The following MEOX2 variants were observed in gnomAD, a reference collection of about 807,000 sequenced individuals.
MEOX2 encodes mesenchyme homeobox 2.
A neutral mutation model predicts 27.0 loss-of-function variants in MEOX2; 11 were observed. The ratio of observed to expected loss-of-function variants is 0.41; its 90% confidence interval spans 0.26 to 0.68. MEOX2 has a LOEUF of 0.68. MEOX2 is among the 30% of genes least tolerant of loss of function. The pLI is 0.33. For synonymous variants in MEOX2, 189 were observed against 155.4 expected, an observed-to-expected ratio of 1.22 and a Z score of -1.61; for missense variants, 436 against 385.4, an observed-to-expected ratio of 1.13 and a Z score of -1.10.
At chr7:15,646,915 A>G (rs1191404459) in intron 1 of MEOX2, among the ~76,000 whole-genome samples, 2 of 151,980 alleles carry the variant, frequency 1.3e-5, no homozygotes, top group African/African-American at 4.8e-5. Flanking sequence ...GCTTATGTCA[A>G]AATATATTTG....
chr7:15,624,937 A>G (rs193021394), intron 2 of MEOX2, among the ~76,000 whole-genome samples: 1 of 152,298 alleles, frequency 6.6e-6, no homozygotes, highest in East Asian at 1.9e-4. Flanking sequence ...TATCCAAGAC[A>G]CCTTCAACGT....
intron 1 of MEOX2, among the ~76,000 whole-genome samples, chr7:15,659,509 C>G (rs1781874696): frequency 6.6e-6 from 1 of 151,866 alleles, no homozygotes; most frequent in Non-Finnish European, 1.5e-5. Flanking sequence ...GCCTGTAATC[C>G]CAGCACTTTG....
intron 1 of MEOX2, among the ~76,000 whole-genome samples, chr7:15,672,788 A>C (rs2115391793): frequency 6.6e-6 from 1 of 152,030 alleles, no homozygotes; most frequent in Admixed American, 6.6e-5. Flanking sequence ...GCTACTTGGG[A>C]GGCTGAGGCA....
chr7:15,650,694 A>T (rs983171931), intron 1 of MEOX2, among the ~76,000 whole-genome samples: 1 of 151,880 alleles, frequency 6.6e-6, no homozygotes, highest in Admixed American at 6.6e-5. Context: ...AGGGAAAAAA[A>T]TTGAGTTTTT....
intron 1 of MEOX2, among the ~76,000 whole-genome samples, chr7:15,662,063 G>C (rs1781927493): frequency 6.9e-6 from 1 of 145,560 alleles, no homozygotes; most frequent in African/African-American, 2.5e-5. Flanking sequence ...AAAAAGATCA[G>C]TGTTCCCCCA....
chr7:15,647,462 G>A (rs1332596213), intron 1 of MEOX2, among the ~76,000 whole-genome samples: 1 of 152,074 alleles, frequency 6.6e-6, no homozygotes, highest in Admixed American at 6.5e-5. Flanking sequence ...TATTATGCAA[G>A]AGTCTACTTT....
intron 1 of MEOX2, chr7:15,681,749 G>A (rs533342943): frequency 3.3e-5 from 5 of 151,740 alleles, no homozygotes; most frequent in Non-Finnish European, 7.4e-5. Flanking sequence ...TCATTGTAAA[G>A]GTTTCTATTG....
chr7:15,650,508 T>G (rs1205631991), intron 1 of MEOX2, among the ~76,000 whole-genome samples: 2 of 152,108 alleles, frequency 1.3e-5, no homozygotes, highest in African/African-American at 4.8e-5. Context: ...TACGTGCAAA[T>G]AATGCTGATC....
At chr7:15,624,426 T>A (rs1270365459) in intron 2 of MEOX2, among the ~76,000 whole-genome samples, 1 of 152,196 alleles carries the variant, frequency 6.6e-6, no homozygotes, top group Non-Finnish European at 1.5e-5. Context: ...AATGAAGCGA[T>A]CTTGTCCTAC....
intron 1 of MEOX2, among the ~76,000 whole-genome samples, chr7:15,629,998 G>A (rs1309371314): frequency 6.6e-6 from 1 of 152,022 alleles, no homozygotes; most frequent in Admixed American, 6.6e-5. Context: ...TAGGTGCTGA[G>A]GGGGGAATCT....
chr7:15,630,516 A>G (rs1182084159), intron 1 of MEOX2, among the ~76,000 whole-genome samples: 1 of 152,024 alleles, frequency 6.6e-6, no homozygotes, highest in Admixed American at 6.6e-5. Context: ...GAAGAACATA[A>G]TTTACCTATG....
intron 1 of MEOX2, among the ~76,000 whole-genome samples, chr7:15,650,805 A>C (rs1358283248): frequency 6.6e-6 from 1 of 152,074 alleles, no homozygotes; most frequent in African/African-American, 2.4e-5. Context: ...GCATGGAGGG[A>C]TTTCCACAGT....
rs548002691 is a variant in MEOX2 at position 15,627,072 on chromosome 7, C to T, written c.518-154G>A. 9.2e-5 allele frequency among the ~76,000 whole-genome samples: 14 copies of T among 151,896 alleles called. No homozygotes were observed. In the South Asian group the frequency reaches 1.3e-3, roughly 14 times the overall value. The stretch of plus-strand genomic sequence containing the variant: ...GACAGCAAGACTGACGGCAGCTCAA[C>T]GGGGGGAGATATAATTCTTATTTTT... On this transcript the variant is annotated intron_variant, in intron 1 of 2. Transcript: ENST00000262041.
chr7:15,624,629 C>T (rs143968966), intron 2 of MEOX2, among the ~76,000 whole-genome samples: 1 of 152,144 alleles, frequency 6.6e-6, no homozygotes, highest in Admixed American at 6.5e-5. Flanking sequence ...CCAACCATCT[C>T]TTTCTTAGTC....
At chr7:15,630,662 A>G (rs1319940449) in intron 1 of MEOX2, among the ~76,000 whole-genome samples, 1 of 152,024 alleles carries the variant, frequency 6.6e-6, no homozygotes, top group Non-Finnish European at 1.5e-5. Context: ...TTTGTAAACT[A>G]TTCAAAATGA....
intron 2 of MEOX2, among the ~76,000 whole-genome samples, chr7:15,625,184 T>C (rs1325896132): frequency 6.6e-6 from 1 of 152,156 alleles, no homozygotes; most frequent in Admixed American, 6.6e-5. Flanking sequence ...ATTCACCATC[T>C]CTATATAAGA....
intron 1 of MEOX2, among the ~76,000 whole-genome samples, 156 bp from the exon 2 acceptor site, chr7:15,627,074 G>T (rs1270854499): frequency 2.0e-5 from 3 of 151,964 alleles, no homozygotes; most frequent in South Asian, 2.1e-4. Context: ...CAGCTCAACG[G>T]GGGGAGATAT....
chr7:15,640,297 A>G (rs1367303843), intron 1 of MEOX2, among the ~76,000 whole-genome samples: 2 of 151,042 alleles, frequency 1.3e-5, no homozygotes, highest in African/African-American at 4.9e-5. Context: ...GCTACCGTGA[A>G]GGAGACTGGG....
rs76663090 is a variant in MEOX2, at chr7:15,653,750, T to G, written c.518-26832A>C. On this transcript the variant is annotated intron_variant, in intron 1 of 2. Transcript: ENST00000262041. ...GAAAAGAGTATGCTTTCTCCACTGT[T>G]GATTTTCTATTTTTTCCATTAATAT... Among the ~76,000 whole-genome samples the G allele has an allele frequency of 1.1e-4, 16 of 152,110 alleles. No individual in the cohort carries two copies. The East Asian group carries it at 3.1e-3, about 29-fold the overall frequency.
Sources: gnomAD v4.1 joint callset for allele counts (sites outside exome capture counted in the v4.1 genomes callset) on GRCh38, gnomAD v4.1.1 for gene constraint, MANE v1.5 for transcripts, NCBI Gene and HGNC (gene_info 2026-07-23, HGNC 2026-07-21) for gene names.